SLC4A10: variants seen among roughly 807,000 people sequenced by gnomAD.
SLC4A10 encodes sodium-driven chloride bicarbonate exchanger.
A neutral mutation model predicts 137.7 loss-of-function variants in SLC4A10; 42 were observed. That is an observed-to-expected ratio of 0.30 (90% CI 0.24 to 0.39). SLC4A10 has a LOEUF of 0.39. Among genes scored for constraint, SLC4A10 ranks in the 10% least tolerant of loss-of-function variants. The pLI, the probability that SLC4A10 is intolerant of heterozygous loss-of-function variation, is 1.00. For missense variants in SLC4A10, 925 were observed against 1,355.0 expected, an observed-to-expected ratio of 0.68 and a Z score of 4.98; for synonymous variants, 474 against 464.1, an observed-to-expected ratio of 1.02 and a Z score of -0.27.
chr2:161,820,725 C>T (rs2057542510), intron 3 of SLC4A10, among the ~76,000 whole-genome samples: 1 of 152,116 alleles, frequency 6.6e-6, no homozygotes, highest in East Asian at 1.9e-4. Flanking sequence ...CAATTAGAAG[C>T]TACTACAAGT....
At chr2:161,703,083 T>G (rs1249185550) in intron 1 of SLC4A10, among the ~76,000 whole-genome samples, 1 of 151,720 alleles carries the variant, frequency 6.6e-6, no homozygotes, top group East Asian at 1.9e-4. Context: ...AGACTGTAAA[T>G]AGATATAACC....
intron 3 of SLC4A10, among the ~76,000 whole-genome samples, chr2:161,815,744 A>C (rs1297407698): frequency 6.6e-6 from 1 of 152,130 alleles, no homozygotes; most frequent in Non-Finnish European, 1.5e-5. Context: ...ACCCCAAATT[A>C]TTTAATAACC....
chr2:161,662,482 A>G (rs756993977), intron 1 of SLC4A10, among the ~76,000 whole-genome samples: 17 of 152,120 alleles, frequency 1.1e-4, no homozygotes, highest in Non-Finnish European at 1.9e-4. Context: ...CAAAAATAAT[A>G]CAACAATAAT....
At chr2:161,670,207 G>A (rs1000693473) in intron 1 of SLC4A10, among the ~76,000 whole-genome samples, 3 of 151,704 alleles carry the variant, frequency 2.0e-5, no homozygotes, top group African/African-American at 4.8e-5. Flanking sequence ...CTGAGAAGGA[G>A]CCTTTTAAGT....
At chr2:161,908,084 A>G (rs1684862658) in intron 15 of SLC4A10, among the ~76,000 whole-genome samples, 1 of 152,138 alleles carries the variant, frequency 6.6e-6, no homozygotes, top group Non-Finnish European at 1.5e-5. Flanking sequence ...AGCCCTGAAC[A>G]ATTTTCACAG....
intron 3 of SLC4A10, among the ~76,000 whole-genome samples, chr2:161,813,503 C>T (rs1201861171): frequency 1.3e-5 from 2 of 152,034 alleles, no homozygotes; most frequent in Non-Finnish European, 2.9e-5. Context: ...TACTAAGTAT[C>T]TTCTGCATTT....
At chr2:161,770,300 A>T (rs1243861090) in intron 1 of SLC4A10, among the ~76,000 whole-genome samples, 4 of 151,984 alleles carry the variant, frequency 2.6e-5, no homozygotes, top group Non-Finnish European at 5.9e-5. Flanking sequence ...TGAGTACCAA[A>T]TTAGTGGCTG....
At chr2:161,905,528 T>C in intron 14 of SLC4A10, 114 bp from the exon 15 acceptor site, 7 of 1,388,488 alleles carry the variant, frequency 5.0e-6, no homozygotes, top group Non-Finnish European at 6.8e-6. Context: ...ACTCATGGGA[T>C]GTGAAGCTTA....
chr2:161,895,316 T>C (rs1446451430), intron 11 of SLC4A10, among the ~76,000 whole-genome samples: 1 of 152,184 alleles, frequency 6.6e-6, no homozygotes, highest in Non-Finnish European at 1.5e-5. Flanking sequence ...CTATCATTGT[T>C]GGACATTTGG....
At chr2:161,683,103 G>A (rs1218893840) in intron 1 of SLC4A10, among the ~76,000 whole-genome samples, 1 of 152,144 alleles carries the variant, frequency 6.6e-6, no homozygotes, top group Non-Finnish European at 1.5e-5. Context: ...ATGGAAGAGT[G>A]TGAATACAGG....
intron 15 of SLC4A10, among the ~76,000 whole-genome samples, chr2:161,924,024 G>T (rs1265124634): frequency 1.3e-5 from 2 of 152,048 alleles, no homozygotes; most frequent in African/African-American, 2.4e-5. Context: ...TGCATCAAAA[G>T]AAACGTTTTG....
chr2:161,969,703 T>C (rs1698180163), intron 23 of SLC4A10, among the ~76,000 whole-genome samples: 1 of 151,890 alleles, frequency 6.6e-6, no homozygotes, highest in Admixed American at 6.6e-5. Flanking sequence ...ATATACACTA[T>C]AGGAGAAAAC....
intron 2 of SLC4A10, among the ~76,000 whole-genome samples, chr2:161,801,325 T>C (rs1304838008): frequency 6.6e-6 from 1 of 152,032 alleles, no homozygotes; most frequent in Non-Finnish European, 1.5e-5. Flanking sequence ...ATATCCTACT[T>C]ACCTCTTAAT....
chr2:161,941,786 A>G (rs541356157), intron 15 of SLC4A10, among the ~76,000 whole-genome samples: 1 of 152,216 alleles, frequency 6.6e-6, no homozygotes, highest in South Asian at 2.1e-4. Context: ...GGTGGTTAAC[A>G]AGGTAGGGGG....
chr2:161,637,159 ACG>A (rs2034570311), intron 1 of SLC4A10, among the ~76,000 whole-genome samples: 1 of 148,790 alleles, frequency 6.7e-6, no homozygotes, highest in Non-Finnish European at 1.5e-5. Flanking sequence ...ATAGATATAT[ACG>A]TATATATACA....
At chr2:161,650,257 A>G (rs1174044719) in intron 1 of SLC4A10, among the ~76,000 whole-genome samples, 1 of 152,244 alleles carries the variant, frequency 6.6e-6, no homozygotes, top group East Asian at 1.9e-4. Context: ...TGTTTTCTGC[A>G]TGATTAGACT....
chr2:161,727,648 A>C (rs567429952), intron 1 of SLC4A10, among the ~76,000 whole-genome samples: 8 of 152,260 alleles, frequency 5.3e-5, no homozygotes, highest in Admixed American at 5.2e-4. Context: ...GAAATTGAAA[A>C]CATGATAGCT....
chr2:161,793,272 C>T (rs1174370099), intron 2 of SLC4A10, among the ~76,000 whole-genome samples: 1 of 152,068 alleles, frequency 6.6e-6, no homozygotes, highest in Non-Finnish European at 1.5e-5. Flanking sequence ...ATATGCCTTA[C>T]CTCACATAGT....
intron 1 of SLC4A10, among the ~76,000 whole-genome samples, chr2:161,663,382 A>G (rs1166920904): frequency 6.6e-6 from 1 of 152,074 alleles, no homozygotes; most frequent in Non-Finnish European, 1.5e-5. Flanking sequence ...ATATTTCCAT[A>G]TTCTCTACAC....
Sources: gnomAD v4.1 joint callset for allele counts (sites outside exome capture counted in the v4.1 genomes callset) on GRCh38, gnomAD v4.1.1 for gene constraint, MANE v1.5 for transcripts, NCBI Gene and HGNC (gene_info 2026-07-23, HGNC 2026-07-21) for gene names.